The following CFDP1 variants were observed in gnomAD, a reference collection of about 807,000 sequenced individuals.
The protein encoded by CFDP1 is chromatin remodeling protein CFDP1, also known as heterochromatin-stabilizing protein CFDP1.
CFDP1 carries 31 observed loss-of-function variants against 40.1 expected under a neutral mutation model. That is an observed-to-expected ratio of 0.77 (90% CI 0.58 to 1.04). The LOEUF (loss-of-function observed/expected upper bound fraction) is 1.04. CFDP1 is among the 50% of genes least tolerant of loss of function. CFDP1 has a pLI of 0.00. For missense variants in CFDP1, 423 were observed against 343.4 expected (o/e 1.23, Z -1.83); for synonymous variants, 167 against 120.0 (o/e 1.39, Z -2.56).
At chr16:75,351,825 T>A (rs74753614) in intron 5 of CFDP1, among the ~76,000 whole-genome samples, 8,095 of 150,762 alleles carry the variant, frequency 0.054, 675 homozygotes, top group African/African-American at 0.18. Flanking sequence ...CTGGCCAACA[T>A]AGTGAAACCC....
At chr16:75,360,816 A>T (rs2078675528) in intron 5 of CFDP1, among the ~76,000 whole-genome samples, 1 of 152,262 alleles carries the variant, frequency 6.6e-6, no homozygotes, top group Non-Finnish European at 1.5e-5. Flanking sequence ...TCAATAGACA[A>T]ATTTAACAAC....
At chr16:75,310,195 G>C (rs1189045092) in intron 5 of CFDP1, among the ~76,000 whole-genome samples, 1 of 152,194 alleles carries the variant, frequency 6.6e-6, no homozygotes. Flanking sequence ...ACTGTTCAAG[G>C]AGTGTGGACT....
chr16:75,390,898 T>C (rs2078943608), intron 5 of CFDP1, among the ~76,000 whole-genome samples: 1 of 152,186 alleles, frequency 6.6e-6, no homozygotes, highest in African/African-American at 2.4e-5. Context: ...GCCACACCAA[T>C]ATTTGTATCC....
At chr16:75,404,467 T>C (rs1597388249) in intron 4 of CFDP1, among the ~76,000 whole-genome samples, 2 of 152,000 alleles carry the variant, frequency 1.3e-5, no homozygotes, top group Non-Finnish European at 2.9e-5. Flanking sequence ...ATGATCCGCC[T>C]GCCTCGGCCT....
chr16:75,407,376 TA>T (rs994789351), intron 4 of CFDP1, among the ~76,000 whole-genome samples: 2 of 151,918 alleles, frequency 1.3e-5, no homozygotes, highest in African/African-American at 4.8e-5. Context: ...TATTTTCTAT[TA>T]AAAAAATATT....
intron 1 of CFDP1, among the ~76,000 whole-genome samples, chr16:75,424,311 C>T (rs1418144048): frequency 6.6e-6 from 1 of 152,134 alleles, no homozygotes; most frequent in Non-Finnish European, 1.5e-5. Flanking sequence ...ACAATTAGCA[C>T]GTACAGTGTT....
intron 1 of CFDP1, among the ~76,000 whole-genome samples, chr16:75,425,808 C>A (rs563185167): frequency 6.6e-6 from 1 of 151,752 alleles, no homozygotes; most frequent in South Asian, 2.1e-4. Flanking sequence ...CCGGGGTGGG[C>A]GGATTACCTG....
At chr16:75,341,071 G>A (rs567116465) in intron 5 of CFDP1, among the ~76,000 whole-genome samples, 12 of 152,200 alleles carry the variant, frequency 7.9e-5, no homozygotes, top group Non-Finnish European at 1.5e-4. Flanking sequence ...AGACACACTG[G>A]GCATGCACAG....
intron 5 of CFDP1, chr16:75,324,591 A>T (rs1028704647): frequency 4.0e-5 from 6 of 151,876 alleles, no homozygotes; most frequent in African/African-American, 1.2e-4. Flanking sequence ...AAAATACAAA[A>T]ATTAGCCGGG....
intron 1 of CFDP1, among the ~76,000 whole-genome samples, chr16:75,415,370 C>G (rs1427230698): frequency 6.6e-6 from 1 of 152,172 alleles, no homozygotes; most frequent in East Asian, 1.9e-4. Context: ...TATAAACTTT[C>G]AATTGAAGTG....
At chr16:75,347,308 C>T (rs891992233) in intron 5 of CFDP1, among the ~76,000 whole-genome samples, 1 of 131,824 alleles carries the variant, frequency 7.6e-6, no homozygotes. Flanking sequence ...CGGACCATTG[C>T]ACTCCAGCCC....
In CFDP1 at chr16:75,344,332, G is replaced by T. The variant is rs73617863; in HGVS notation, c.651-39150C>A. On this transcript the variant is annotated intron_variant, in intron 5 of 6. Coordinates refer to ENST00000283882, the MANE Select transcript of CFDP1 (RefSeq NM_006324.3). ...CCACTGAATTGTACACTTTAAAATG[G>T]TTAATTTTATGTTAGGTGTATTTCA... 4.3e-3 allele frequency among the ~76,000 whole-genome samples: 655 copies of T among 152,292 alleles called. 1 individual carries two copies. The highest frequency in any genetic ancestry group is 0.015 in the African/African-American group (631 of 41,558).
chr16:75,306,897 A>G (rs2078261596), intron 5 of CFDP1, among the ~76,000 whole-genome samples: 1 of 145,238 alleles, frequency 6.9e-6, no homozygotes, highest in Admixed American at 6.7e-5. Flanking sequence ...ACACACACAC[A>G]CACACGCACA....
At chr16:75,432,467 C>G (rs557907798) in intron 1 of CFDP1, among the ~76,000 whole-genome samples, 1 of 151,250 alleles carries the variant, frequency 6.6e-6, no homozygotes, top group Non-Finnish European at 1.5e-5. Context: ...GGGAGGATCG[C>G]TTGAGCCCAG....
At chr16:75,327,654 G>T (rs1046653893) in intron 5 of CFDP1, among the ~76,000 whole-genome samples, 4 of 152,056 alleles carry the variant, frequency 2.6e-5, no homozygotes, top group African/African-American at 9.7e-5. Context: ...TACATGAAAG[G>T]GAAAATAAAA....
At chr16:75,310,088 G>C (rs2078286214) in intron 5 of CFDP1, among the ~76,000 whole-genome samples, 1 of 152,170 alleles carries the variant, frequency 6.6e-6, no homozygotes, top group African/African-American at 2.4e-5. Flanking sequence ...TTATTACCAA[G>C]ATGTTTCCAA....
chr16:75,310,522 G>A (rs1451260468), intron 5 of CFDP1, among the ~76,000 whole-genome samples: 1 of 152,108 alleles, frequency 6.6e-6, no homozygotes, highest in Non-Finnish European at 1.5e-5. Context: ...CTTCTCTTTA[G>A]CAAAAGAAAT....
At chr16:75,420,586 T>C (rs550780641) in intron 1 of CFDP1, among the ~76,000 whole-genome samples, 38 of 152,334 alleles carry the variant, frequency 2.5e-4, no homozygotes, top group African/African-American at 3.8e-4. Flanking sequence ...ATGTGTAGTA[T>C]TGAACTCAAC....
intron 5 of CFDP1, among the ~76,000 whole-genome samples, chr16:75,331,881 C>T (rs1216828061): frequency 6.6e-6 from 1 of 152,168 alleles, no homozygotes; most frequent in Non-Finnish European, 1.5e-5. Flanking sequence ...TAATGCCAAA[C>T]AGTTCTCCAA....
Sources: gnomAD v4.1 joint callset for allele counts (sites outside exome capture counted in the v4.1 genomes callset) on GRCh38, gnomAD v4.1.1 for gene constraint, MANE v1.5 for transcripts, NCBI Gene and HGNC (gene_info 2026-07-23, HGNC 2026-07-21) for gene names.